Variants in KIAA0825 observed in about 807,000 individuals in gnomAD.
The protein encoded by KIAA0825 is KIAA0825.
KIAA0825 carries 119 observed loss-of-function variants against 147.6 expected under a neutral mutation model. The observed-to-expected ratio is 0.81, with a 90% CI of 0.69 to 0.94. KIAA0825 has a LOEUF of 0.94. Ranked by LOEUF, KIAA0825 falls within the 40% of genes least tolerant of loss-of-function variation. The pLI is 0.00. For missense variants in KIAA0825, 1,381 were observed against 1,472.7 expected (o/e 0.94, Z 1.02); for synonymous variants, 470 against 518.1 (o/e 0.91, Z 1.26).
At chr5:94,249,830 A>T in intron 20 of KIAA0825, among the ~76,000 whole-genome samples, 2 of 144,348 alleles carry the variant, frequency 1.4e-5, no homozygotes. Flanking sequence ...TTATTTATAG[A>T]CTTATATAAG....
chr5:94,388,337 CCGGGGGTTGGGG>C (rs1749453533), intron 18 of KIAA0825, among the ~76,000 whole-genome samples: 1 of 151,956 alleles, frequency 6.6e-6, no homozygotes, highest in Admixed American at 6.6e-5. Context: ...GGTCTGTGGC[CCGGGGGTTGGGG>C]ACCCCTGTTG....
chr5:94,435,684 T>G (rs1756267907), intron 14 of KIAA0825, among the ~76,000 whole-genome samples: 1 of 152,250 alleles, frequency 6.6e-6, no homozygotes, highest in South Asian at 2.1e-4. Context: ...TCTAGGTCTC[T>G]GAGCAATCTC....
At chr5:94,522,839 G>A (rs1768487261) in intron 4 of KIAA0825, among the ~76,000 whole-genome samples, 1 of 151,652 alleles carries the variant, frequency 6.6e-6, no homozygotes, top group Non-Finnish European at 1.5e-5. Flanking sequence ...TGACTTATGT[G>A]TGACAGATTA....
intron 1 of KIAA0825, among the ~76,000 whole-genome samples, chr5:94,592,218 C>T (rs1313486400): frequency 3.9e-5 from 6 of 152,084 alleles, no homozygotes; most frequent in East Asian, 1.9e-4. Context: ...CACCTATGAG[C>T]GTATAAAATC....
In KIAA0825 at chr5:94,161,500, T is replaced by C. The variant is rs190563937; in HGVS notation, c.3711-7376A>G. On this transcript the variant is annotated intron_variant, in intron 20 of 20. Coordinates refer to ENST00000682413, the MANE Select transcript of KIAA0825 (RefSeq NM_001145678.3). ...ACCTAAGACTAATGTGTGATCATCCTTTTCCTTTGAGTCCTATAGTATCTA... is the reference window on the plus strand; with the variant it reads ...ACCTAAGACTAATGTGTGATCATCCCTTTCCTTTGAGTCCTATAGTATCTA... Among the ~76,000 whole-genome samples, 65 of 152,292 alleles carry C rather than the reference T, an allele frequency of 4.3e-4. 1 individual carries two copies. Among genetic ancestry groups the C allele is most frequent in the Admixed American group, 8.5e-4 (13 of 15,286 alleles).
chr5:94,457,536 C>T (rs1314853941), intron 12 of KIAA0825, among the ~76,000 whole-genome samples: 2 of 152,216 alleles, frequency 1.3e-5, no homozygotes, highest in Non-Finnish European at 2.9e-5. Flanking sequence ...AGCTATGCCC[C>T]TTCCTTGCGT....
intron 20 of KIAA0825, among the ~76,000 whole-genome samples, chr5:94,238,291 T>C (rs945630206): frequency 1.3e-5 from 2 of 152,172 alleles, no homozygotes; most frequent in African/African-American, 2.4e-5. Context: ...TAGGTTTGAA[T>C]TTTTTATAAT....
intron 2 of KIAA0825, among the ~76,000 whole-genome samples, chr5:94,543,214 C>A (rs1773681160): frequency 6.6e-6 from 1 of 152,148 alleles, no homozygotes; most frequent in Non-Finnish European, 1.5e-5. Context: ...GAGGCTGAGA[C>A]AGGAGGATCT....
chr5:94,240,982 C>A (rs1775315268), intron 20 of KIAA0825, among the ~76,000 whole-genome samples: 1 of 152,108 alleles, frequency 6.6e-6, no homozygotes, highest in African/African-American at 2.4e-5. Flanking sequence ...ATAAATGAAT[C>A]CATTTAACAA....
chr5:94,217,071 A>G (rs1201767186), intron 20 of KIAA0825, among the ~76,000 whole-genome samples: 1 of 152,204 alleles, frequency 6.6e-6, no homozygotes, highest in Admixed American at 6.6e-5. Context: ...GAACATTTCA[A>G]AGGATTTTTT....
chr5:94,465,905 C>T (rs888398883), intron 10 of KIAA0825, among the ~76,000 whole-genome samples: 3 of 152,206 alleles, frequency 2.0e-5, no homozygotes, highest in Non-Finnish European at 2.9e-5. Context: ...GTAACACGTA[C>T]TCTCAGGGAG....
Position 94,465,047 on chromosome 5 carries a change from A to T in KIAA0825, c.1885T>A (p.Ser629Thr), listed in dbSNP as rs1365167818. The T allele has an allele frequency of 6.4e-6, 10 of 1,551,412 alleles. No homozygotes were observed. Among genetic ancestry groups the T allele is most frequent in the Non-Finnish European group, 8.7e-6 (10 of 1,146,812 alleles). Residue 629 changes from serine to threonine, a missense_variant, in exon 11 of 21, where the codon TCC becomes ACC. By Grantham distance (58) the Ser-to-Thr change is moderately conservative. Coordinates refer to ENST00000682413, the MANE Select transcript of KIAA0825 (RefSeq NM_001145678.3). ...TAATGCCACATCTGGATCGAGAAGG[A>T]ACATCTTTCCCCCTGGCAAAGCCAG... Reference protein sequence around the residue: ...YKAFYEGERCSFSIQMWHYFC... With the variant: ...YKAFYEGERCTFSIQMWHYFC...
At chr5:94,384,291 G>T in intron 20 of KIAA0825, 77 bp downstream of exon 20, 7 of 991,702 alleles carry the variant, frequency 7.1e-6, no homozygotes, top group Middle Eastern at 2.1e-4. Context: ...TAAAATCTGT[G>T]TACGTGTATA....
chr5:94,505,149 CAGG>C (rs1377414831), intron 5 of KIAA0825, among the ~76,000 whole-genome samples: 1 of 151,860 alleles, frequency 6.6e-6, no homozygotes, highest in African/African-American at 2.4e-5. Flanking sequence ...CACTTGAGGT[CAGG>C]AGTTCAGACC....
chr5:94,424,794 G>A (rs1447611258), intron 14 of KIAA0825, among the ~76,000 whole-genome samples: 2 of 151,858 alleles, frequency 1.3e-5, no homozygotes, highest in Non-Finnish European at 2.9e-5. Context: ...AATCAGAAAC[G>A]AAAAAGAAGA....
intron 20 of KIAA0825, among the ~76,000 whole-genome samples, chr5:94,172,110 A>G (rs908193427): frequency 1.3e-5 from 2 of 152,206 alleles, no homozygotes; most frequent in Admixed American, 6.5e-5. Flanking sequence ...TATGAAGATA[A>G]CAATTATAGA....
chr5:94,189,327 T>A (rs1400311575), intron 20 of KIAA0825, among the ~76,000 whole-genome samples: 1 of 152,160 alleles, frequency 6.6e-6, no homozygotes, highest in Admixed American at 6.5e-5. Context: ...GTGTCAAGTT[T>A]AAGAAATCTT....
chr5:94,285,466 C>T (rs1777630336), intron 20 of KIAA0825, among the ~76,000 whole-genome samples: 2 of 152,202 alleles, frequency 1.3e-5, no homozygotes, highest in Admixed American at 6.5e-5. Flanking sequence ...GATACTGTCT[C>T]TACACAGATA....
intron 2 of KIAA0825, among the ~76,000 whole-genome samples, chr5:94,581,703 C>A (rs953154029): frequency 3.9e-5 from 6 of 152,054 alleles, no homozygotes; most frequent in African/African-American, 9.7e-5. Context: ...TAAAAAATAT[C>A]TTTGAATTGA....
Sources: gnomAD v4.1 joint callset for allele counts (sites outside exome capture counted in the v4.1 genomes callset) on GRCh38, gnomAD v4.1.1 for gene constraint, MANE v1.5 for transcripts, NCBI Gene and HGNC (gene_info 2026-07-23, HGNC 2026-07-21) for gene names.